Variants in PARN observed in about 807,000 individuals in gnomAD.
PARN encodes the protein poly(A)-specific ribonuclease.
A neutral mutation model predicts 102.8 loss-of-function variants in PARN; 71 were observed. That is an observed-to-expected ratio of 0.69 (90% CI 0.57 to 0.84). The LOEUF (loss-of-function observed/expected upper bound fraction) is 0.84. Among genes scored for constraint, PARN ranks in the 40% least tolerant of loss-of-function variants. The probability of loss-of-function intolerance (pLI) is 0.00; values close to 1 mark genes in which losing one functional copy is unlikely to be tolerated. For missense variants in PARN, 782 were observed against 760.9 expected (o/e 1.03, Z -0.33); for synonymous variants, 261 against 252.9 (o/e 1.03, Z -0.30).
At chr16:14,472,980 A>ACC (rs1962834534) in intron 22 of PARN, among the ~76,000 whole-genome samples, 1 of 152,244 alleles carries the variant, frequency 6.6e-6, no homozygotes, top group Non-Finnish European at 1.5e-5. Context: ...AGAGGGCACA[A>ACC]AAGTATAGAT....
At chr16:14,576,833 G>T (rs966590559) in intron 18 of PARN, among the ~76,000 whole-genome samples, 1 of 152,068 alleles carries the variant, frequency 6.6e-6, no homozygotes, top group Non-Finnish European at 1.5e-5. Context: ...AGACAAAATG[G>T]CACCATGCAA....
At chr16:14,614,835 C>G (rs1430059134) in intron 6 of PARN, among the ~76,000 whole-genome samples, 1 of 81,024 alleles carries the variant, frequency 1.2e-5, no homozygotes, top group Non-Finnish European at 2.2e-5. Flanking sequence ...GAAAGAAGAG[C>G]GAAACTGTCT....
At chr16:14,481,296 C>T (rs951954069) in intron 22 of PARN, among the ~76,000 whole-genome samples, 11 of 152,034 alleles carry the variant, frequency 7.2e-5, no homozygotes, top group Admixed American at 2.6e-4. Flanking sequence ...AAATACTCAA[C>T]GATTAAAAAA....
intron 21 of PARN, among the ~76,000 whole-genome samples, chr16:14,494,306 A>G (rs943718424): frequency 1.3e-5 from 2 of 152,226 alleles, no homozygotes; most frequent in Non-Finnish European, 2.9e-5. Flanking sequence ...TGAGAGTGAA[A>G]TCAGAGAGAC....
At chr16:14,590,681 T>G (rs553535648) in intron 13 of PARN, among the ~76,000 whole-genome samples, 2 of 151,978 alleles carry the variant, frequency 1.3e-5, no homozygotes, top group East Asian at 3.9e-4. Flanking sequence ...CTTTTACACT[T>G]GTTTTGAGAC....
Position 14,606,409 on chromosome 16 carries a change from G to GA in PARN, c.702+74dup, listed in dbSNP as rs1040649261. 8.8e-3 allele frequency: 5,249 copies of GA among 593,410 alleles called. 1 individual carries two copies. The highest frequency in any genetic ancestry group is 0.013 in the South Asian group (442 of 33,948). The allele number at this position is 593,410 out of a possible 1,614,324, so 36.8% of individuals were successfully genotyped here. A position where few individuals can be genotyped will look rare whatever the true frequency, so the allele number is the denominator to read the frequency against. ...AAAGACCCTGAGGGAAAAAAAAAAA[G>GA]AAAAAAAAAAGAAACCCCTAACAGT... On this transcript the variant is annotated intron_variant, in intron 10 of 23. Coordinates refer to ENST00000437198, the MANE Select transcript of PARN (RefSeq NM_002582.4).
At chr16:14,542,352 C>T (rs1966846916) in intron 21 of PARN, among the ~76,000 whole-genome samples, 1 of 149,758 alleles carries the variant, frequency 6.7e-6, no homozygotes, top group South Asian at 2.1e-4. Context: ...GACAGGGTCT[C>T]GCTGTATCTC....
At position 14,606,073 on chromosome 16, in the gene PARN, T is replaced by A. The variant is rs192219413; in HGVS notation, c.702+411A>T. 3.9e-5 allele frequency among the ~76,000 whole-genome samples: 6 copies of A among 152,202 alleles called. No individual in the cohort carries two copies. In the East Asian group the frequency reaches 1.2e-3, roughly 29 times the overall value. On this transcript the variant is annotated intron_variant, in intron 10 of 23. Transcript: ENST00000437198. ...GACTTACCCTAGGTTACCTAGCTCATAACAAGCACAGACAAGATACAAATT... is the reference window on the plus strand; with the variant it reads ...GACTTACCCTAGGTTACCTAGCTCAAAACAAGCACAGACAAGATACAAATT...
At chr16:14,478,724 GAACA>G (rs973673713) in intron 22 of PARN, among the ~76,000 whole-genome samples, 4 of 152,268 alleles carry the variant, frequency 2.6e-5, no homozygotes, top group Non-Finnish European at 4.4e-5. Context: ...AATCCTATCA[GAACA>G]AATAAGTGAA....
chr16:14,523,224 TACACACACACACACAC>T (rs35250440), intron 21 of PARN, among the ~76,000 whole-genome samples: 6 of 144,234 alleles, frequency 4.2e-5, no homozygotes, highest in East Asian at 4.1e-4. Flanking sequence ...AACTAACAAG[TACACACACACACACAC>T]ACACACACAC....
chr16:14,573,623 A>C (rs1313455904), intron 18 of PARN, among the ~76,000 whole-genome samples: 1 of 152,194 alleles, frequency 6.6e-6, no homozygotes, highest in Non-Finnish European at 1.5e-5. Context: ...TCTTATCTTG[A>C]ATTGTAACTC....
Position 14,593,381 on chromosome 16 carries a change from A to T in PARN, c.841-3T>A. 4.5e-6 allele frequency: 7 copies of T among 1,560,090 alleles called. No homozygotes were observed. Among genetic ancestry groups the T allele is most frequent in the Non-Finnish European group, 6.2e-6 (7 of 1,131,544 alleles). ...TTGTGTCCAATAACAAGTTTTCCCT[A>T]AAGAAAGTCAAGGTTAGAAAAAAGA... On this transcript the variant is annotated splice_region_variant and splice_polypyrimidine_tract_variant and intron_variant, in intron 12 of 23. Transcript: ENST00000437198.
intron 21 of PARN, among the ~76,000 whole-genome samples, chr16:14,527,408 AGTT>A (rs1966065924): frequency 6.6e-6 from 1 of 152,236 alleles, no homozygotes; most frequent in Admixed American, 6.5e-5. Flanking sequence ...TTATGGAATG[AGTT>A]GTTGTCCCAT....
intron 21 of PARN, among the ~76,000 whole-genome samples, chr16:14,534,523 T>C (rs556424408): frequency 6.6e-6 from 1 of 152,308 alleles, no homozygotes; most frequent in African/African-American, 2.4e-5. Context: ...AAATTAGTGA[T>C]ATTCTATAAT....
chr16:14,442,491 G>T (rs920670103), intron 23 of PARN, among the ~76,000 whole-genome samples: 6 of 152,092 alleles, frequency 3.9e-5, no homozygotes, highest in Non-Finnish European at 8.8e-5. Flanking sequence ...CCTGAAAATA[G>T]GATTGAAACA....
Position 14,551,971 on chromosome 16 carries a change from G to A in PARN, c.1480+50C>T, listed in dbSNP as rs768899942. On this transcript the variant is annotated intron_variant, in intron 21 of 23. Coordinates refer to ENST00000437198, the MANE Select transcript of PARN (RefSeq NM_002582.4). The stretch of plus-strand genomic sequence containing the variant: ...TTTAAATTAAGGGGGCAGTGGGAGG[G>A]CAACCTCTCACTGTATTTAATACAC... The A allele has an allele frequency of 3.8e-5, 47 of 1,225,824 alleles. 1 individual carries two copies. In the South Asian group the frequency reaches 5.5e-4, roughly 14 times the overall value. The allele number at this position is 1,225,824 out of a possible 1,614,324, so 75.9% of individuals were successfully genotyped here. A position where few individuals can be genotyped will look rare whatever the true frequency, so the allele number is the denominator to read the frequency against.
intron 21 of PARN, 72 bp downstream of exon 21, chr16:14,551,949 A>T: frequency 1.1e-6 from 1 of 933,460 alleles, no homozygotes; most frequent in Non-Finnish European, 1.7e-6. Context: ...CATAGCTTTT[A>T]AATTAAGGGG....
chr16:14,469,304 C>G (rs1962574161), intron 22 of PARN, among the ~76,000 whole-genome samples: 1 of 152,114 alleles, frequency 6.6e-6, no homozygotes, highest in African/African-American at 2.4e-5. Flanking sequence ...TGCACTCCAG[C>G]CTGGGCAACA....
At chr16:14,536,552 A>G (rs893396744) in intron 21 of PARN, among the ~76,000 whole-genome samples, 1 of 152,226 alleles carries the variant, frequency 6.6e-6, no homozygotes, top group African/African-American at 2.4e-5. Flanking sequence ...TGCTTTCTAA[A>G]GTGTGCTGTG....
Sources: allele counts gnomAD v4.1 joint callset (sites outside exome capture counted in the v4.1 genomes callset), GRCh38; gene constraint gnomAD v4.1.1; transcripts MANE v1.5; gene names NCBI Gene and HGNC (gene_info 2026-07-23, HGNC 2026-07-21).